Variants in ATR observed in about 807,000 individuals in gnomAD.
ATR encodes ATR checkpoint kinase, also known as serine/threonine-protein kinase ATR.
A neutral mutation model predicts 305.3 loss-of-function variants in ATR; 142 were observed. The observed-to-expected ratio is 0.47, with a 90% CI of 0.41 to 0.53. The LOEUF (loss-of-function observed/expected upper bound fraction) is 0.53. Among genes scored for constraint, ATR ranks in the 20% least tolerant of loss-of-function variants. The pLI is 0.00. For synonymous variants in ATR, 1,050 were observed against 1,068.1 expected (o/e 0.98, Z 0.33); for missense variants, 2,135 against 3,133.1 (o/e 0.68, Z 7.60).
In ATR at chr3:142,496,281, TATATATATATATATATATATA is replaced by T. The variant is rs2031600208; in HGVS notation, c.5898+59_5898+79del. 2.8e-4 allele frequency: 20 copies of T among 72,564 alleles called. 3 individuals carry two copies. The East Asian group carries it at 2.9e-3, about 10-fold the overall frequency. The allele number at this position is 72,564 out of a possible 1,614,324, so 4.5% of individuals were successfully genotyped here. Reference sequence around the variant, plus strand: ...TAAGGAAGTACATAATTCCCGACTATATATATATATATATATATATATATATATATATATATATATATATAT... The same window carrying T: ...TAAGGAAGTACATAATTCCCGACTATTATATATATATATATATATATATAT... On this transcript the variant is annotated intron_variant, in intron 34 of 46. Coordinates refer to ENST00000350721, the MANE Select transcript of ATR (RefSeq NM_001184.4).
rs554806118 is a variant in ATR at position 142,451,196 on chromosome 3, G to A, written c.7762-1594C>T. ...AGAAAACTTCAACTTGTTGGGGATC[G>A]AGGTGCAGTACCACCTGATGCTGCA... On this transcript the variant is annotated intron_variant, in intron 46 of 46. Transcript: ENST00000350721. The A allele has an allele frequency of 1.6e-5, 19 of 1,180,976 alleles. No homozygotes were observed. In the African/African-American group the frequency reaches 2.3e-4, roughly 14 times the overall value. The allele number at this position is 1,180,976 out of a possible 1,614,324, so 73.2% of individuals were successfully genotyped here.
At chr3:142,557,814 G>A (rs1001869622) in intron 8 of ATR, among the ~76,000 whole-genome samples, 40 of 151,378 alleles carry the variant, frequency 2.6e-4, no homozygotes, top group Non-Finnish European at 4.7e-4. Context: ...TGTATTTTTA[G>A]AAGAGATGAG....
At chr3:142,543,399 C>CATT in intron 16 of ATR, among the ~76,000 whole-genome samples, 1 of 143,288 alleles carries the variant, frequency 7.0e-6, no homozygotes, top group Non-Finnish European at 1.5e-5. Flanking sequence ...TCCGTCCATC[C>CATT]CTTCTTCCTC....
At chr3:142,538,022 G>A (rs2033919399) in intron 19 of ATR, among the ~76,000 whole-genome samples, 1 of 152,104 alleles carries the variant, frequency 6.6e-6, no homozygotes, top group Non-Finnish European at 1.5e-5. Context: ...CCAATAAAGA[G>A]ATATTTTTAA....
At chr3:142,486,218 A>G (rs112378911) in intron 35 of ATR, among the ~76,000 whole-genome samples, 24 of 152,190 alleles carry the variant, frequency 1.6e-4, no homozygotes, top group Non-Finnish European at 3.1e-4. Context: ...GAAGTTTGAG[A>G]ACAGTTTAGA....
intron 40 of ATR, chr3:142,465,736 T>C (rs928538513): frequency 2.5e-5 from 4 of 161,320 alleles, no homozygotes; most frequent in Admixed American, 6.1e-5. Flanking sequence ...CTGGGTACAG[T>C]GGCTCATGTT....
intron 31 of ATR, 93 bp downstream of exon 31, chr3:142,499,534 T>C (rs949014701): frequency 9.1e-7 from 1 of 1,099,770 alleles, no homozygotes; most frequent in Non-Finnish European, 1.4e-6. Context: ...GACCTCATGA[T>C]CCGCCCGCCT....
At position 142,466,307 on chromosome 3, in the gene ATR, A is replaced by T. The variant is rs1559910877; in HGVS notation, c.6897+17T>A. Reference sequence around the variant, plus strand: ...AACTAAATTTTAAAATCATAGTCATATAAAACTGAAGTTTACCATATCATC... The same window carrying T: ...AACTAAATTTTAAAATCATAGTCATTTAAAACTGAAGTTTACCATATCATC... On this transcript the variant is annotated intron_variant, in intron 40 of 46. Transcript: ENST00000350721. 6.2e-7 allele frequency: 1 copy of T among 1,603,588 alleles called. No homozygotes were observed. Among genetic ancestry groups the T allele is most frequent in the Non-Finnish European group, 8.5e-7 (1 of 1,170,504 alleles).
chr3:142,485,164 C>T lies in ATR; in HGVS notation c.6197G>A (p.Arg2066Gln), dbSNP rs886058052. Reference protein sequence around the residue: ...NKMEKQGDLIRYIVLHFGRSL... With the variant: ...NKMEKQGDLIQYIVLHFGRSL... ...CCTGCCAAAATGAAGAACTATATAC[C>T]GGATGAGATCACCTTGCTTTTCCAT... Residue 2066 changes from arginine (R) to glutamine (Q), a missense_variant, in exon 36 of 47, where the codon CGG becomes CAG. Transcript: ENST00000350721. The T allele has an allele frequency of 9.3e-6, 15 of 1,613,948 alleles. No homozygotes were observed. The highest frequency in any genetic ancestry group is 2.2e-5 in the East Asian group (1 of 44,890).
At chr3:142,497,916 TAGTC>T (rs1205315786) in intron 32 of ATR, among the ~76,000 whole-genome samples, 5 of 152,174 alleles carry the variant, frequency 3.3e-5, no homozygotes, top group Non-Finnish European at 7.4e-5. Flanking sequence ...CCTTGTATGA[TAGTC>T]AGTGTCTATG....
intron 1 of ATR, 54 bp downstream of exon 1, chr3:142,578,592 C>T (rs2035517049): frequency 6.3e-6 from 10 of 1,578,808 alleles, no homozygotes; most frequent in East Asian, 4.5e-5. Flanking sequence ...CACGTGAAAC[C>T]CAAGCCGGAA....
At chr3:142,567,546 AAC>A (rs1426975974) in intron 2 of ATR, among the ~76,000 whole-genome samples, 1 of 152,178 alleles carries the variant, frequency 6.6e-6, no homozygotes, top group African/African-American at 2.4e-5. Context: ...ATGTAATTTC[AAC>A]AGATATGACA....
At chr3:142,556,788 CTAAA>C (rs2034689535) in intron 8 of ATR, among the ~76,000 whole-genome samples, 2 of 152,090 alleles carry the variant, frequency 1.3e-5, no homozygotes, top group African/African-American at 4.8e-5. Flanking sequence ...CACAACCTTA[CTAAA>C]TAATCAAGGA....
intron 1 of ATR, among the ~76,000 whole-genome samples, chr3:142,569,746 A>C (rs538685454): frequency 6.6e-6 from 1 of 152,070 alleles, no homozygotes; most frequent in Admixed American, 6.5e-5. Context: ...TCCCGGGTTC[A>C]AGCAATTCTC....
intron 36 of ATR, among the ~76,000 whole-genome samples, chr3:142,473,282 G>GT (rs997013802): frequency 7.2e-5 from 11 of 152,172 alleles, no homozygotes; most frequent in Non-Finnish European, 1.3e-4. Context: ...TGTATATGGT[G>GT]TAAGGTAAGA....
At chr3:142,498,526 C>G in intron 32 of ATR, 71 bp downstream of exon 32, 1 of 1,477,162 alleles carries the variant, frequency 6.8e-7, no homozygotes, top group Non-Finnish European at 9.3e-7. Context: ...ATTATTTACT[C>G]AAAAAAATTT....
intron 16 of ATR, among the ~76,000 whole-genome samples, chr3:142,546,103 C>T (rs2034259046): frequency 6.6e-6 from 1 of 152,104 alleles, no homozygotes; most frequent in African/African-American, 2.4e-5. Context: ...CTCTGGCTTT[C>T]CACTGAATTC....
At chr3:142,501,383 T>C (rs941510028) in intron 30 of ATR, among the ~76,000 whole-genome samples, 1 of 152,238 alleles carries the variant, frequency 6.6e-6, no homozygotes, top group Non-Finnish European at 1.5e-5. Flanking sequence ...TCTTTACTTC[T>C]GTAAAACTTC....
At position 142,461,963 on chromosome 3, in the gene ATR, A is replaced by G; in HGVS notation, c.7169T>C (p.Leu2390Pro). 1.2e-6 allele frequency: 2 copies of G among 1,613,650 alleles called. No homozygotes were observed. The highest frequency in any genetic ancestry group is 1.7e-6 in the Non-Finnish European group (2 of 1,179,758). ...VNNTAGLRPI[L>P]TKLYKEKGVY... Reference sequence around the variant, plus strand: ...ACCCTTTTCTTTATATAGTTTGGTCAGAATAGGTCTCAAACCAGCAGTGTT... The same window carrying G: ...ACCCTTTTCTTTATATAGTTTGGTCGGAATAGGTCTCAAACCAGCAGTGTT... Residue 2390 changes from leucine (L) to proline (P), a missense_variant, in exon 42 of 47, where the codon CTG (leucine) becomes CCG (proline). Physicochemically the swap from Leu to Pro is moderately conservative, Grantham distance 98. Transcript: ENST00000350721.
Sources: gnomAD v4.1 joint callset for allele counts (sites outside exome capture counted in the v4.1 genomes callset) on GRCh38, gnomAD v4.1.1 for gene constraint, MANE v1.5 for transcripts, NCBI Gene and HGNC (gene_info 2026-07-23, HGNC 2026-07-21) for gene names.